GRID2: variants seen among roughly 807,000 people sequenced by gnomAD.
GRID2 encodes the protein glutamate ionotropic receptor delta type subunit 2.
A neutral mutation model predicts 114.8 loss-of-function variants in GRID2; 33 were observed. The ratio of observed to expected loss-of-function variants is 0.29; its 90% confidence interval spans 0.22 to 0.38. GRID2 has a LOEUF of 0.38. GRID2 is among the 10% of genes least tolerant of loss of function. The pLI, the probability that GRID2 is intolerant of heterozygous loss-of-function variation, is 1.00. For missense variants in GRID2, 1,184 were observed against 1,257.7 expected, an observed-to-expected ratio of 0.94 and a Z score of 0.89; for synonymous variants, 505 against 449.9, an observed-to-expected ratio of 1.12 and a Z score of -1.55.
At chr4:93,527,498 T>A (rs567975812) in intron 13 of GRID2, among the ~76,000 whole-genome samples, 5 of 152,236 alleles carry the variant, frequency 3.3e-5, no homozygotes, top group African/African-American at 1.2e-4. Flanking sequence ...TCTCCTATTA[T>A]ACCTAACATT....
chr4:93,497,569 A>G (rs568010999), intron 12 of GRID2, among the ~76,000 whole-genome samples: 2 of 151,762 alleles, frequency 1.3e-5, no homozygotes, highest in African/African-American at 2.4e-5. Flanking sequence ...ATTTTTCACT[A>G]TGGATATTCA....
chr4:92,311,829 A>T (rs1360053884), intron 1 of GRID2, among the ~76,000 whole-genome samples: 1 of 152,088 alleles, frequency 6.6e-6, no homozygotes, highest in Admixed American at 6.6e-5. Flanking sequence ...TGTATGAAGC[A>T]TTGCTTTTAG....
intron 13 of GRID2, among the ~76,000 whole-genome samples, chr4:93,607,512 G>A: frequency 6.6e-6 from 1 of 152,028 alleles, no homozygotes; most frequent in East Asian, 1.9e-4. Context: ...GAGTATTCTT[G>A]TATTTTAATC....
At position 92,838,761 on chromosome 4, in the gene GRID2, T is replaced by G. The variant is rs183630106; in HGVS notation, c.245-246234T>G. On this transcript the variant is annotated intron_variant, in intron 2 of 15. Coordinates refer to ENST00000282020, the MANE Select transcript of GRID2 (RefSeq NM_001510.4). ...GGTGGTAAACTAACATTCCTCCATA[T>G]TTTGTAATCTGGAAGAAATACCTGC... The G allele has an allele frequency of 1.3e-3, 198 of 152,218 alleles. 1 individual carries two copies. The highest frequency in any genetic ancestry group is 4.5e-3 in the African/African-American group (188 of 41,556). 9.4% of individuals were successfully genotyped at this position (152,218 alleles called of 1,614,324 possible). A position where few individuals can be genotyped will look rare whatever the true frequency, so the allele number is the denominator to read the frequency against.
At chr4:92,307,144 C>T (rs1725451026) in intron 1 of GRID2, among the ~76,000 whole-genome samples, 1 of 151,980 alleles carries the variant, frequency 6.6e-6, no homozygotes, top group Admixed American at 6.6e-5. Context: ...TTGTAAAGCA[C>T]CAGTTAACAT....
At chr4:93,282,507 A>G in intron 8 of GRID2, 1 of 272,686 alleles carries the variant, frequency 3.7e-6, no homozygotes, top group Middle Eastern at 4.4e-4. Context: ...GGTCAAACTC[A>G]TCCTTTTATC....
chr4:93,778,070 T>G (rs1734401192), downstream of GRID2, among the ~76,000 whole-genome samples: 1 of 152,330 alleles, frequency 6.6e-6, no homozygotes, highest in African/African-American at 2.4e-5. Context: ...AGATTCATAG[T>G]AGGAGACCTT....
chr4:92,954,189 A>G (rs75193170), intron 2 of GRID2, among the ~76,000 whole-genome samples: 2,942 of 151,176 alleles, frequency 0.019, 83 homozygotes, highest in East Asian at 0.15. Flanking sequence ...AAAGCATACT[A>G]TGTGTGTGTG....
At chr4:92,671,951 T>C (rs1329179405) in intron 2 of GRID2, among the ~76,000 whole-genome samples, 4 of 152,130 alleles carry the variant, frequency 2.6e-5, no homozygotes. Flanking sequence ...ACATACTGAT[T>C]GCTTGAAACT....
chr4:92,695,661 A>G (rs1335007388), intron 2 of GRID2, among the ~76,000 whole-genome samples: 3 of 152,138 alleles, frequency 2.0e-5, no homozygotes, highest in African/African-American at 7.2e-5. Context: ...GCCATTGTCT[A>G]TACTGTATCT....
intron 9 of GRID2, among the ~76,000 whole-genome samples, chr4:93,396,649 GT>G (rs1765360868): frequency 6.6e-6 from 1 of 151,982 alleles, no homozygotes; most frequent in Non-Finnish European, 1.5e-5. Flanking sequence ...GATAAGAAGA[GT>G]CTACTGTATA....
chr4:93,692,112 G>A (rs992012715), intron 14 of GRID2, among the ~76,000 whole-genome samples: 3 of 152,060 alleles, frequency 2.0e-5, no homozygotes, highest in African/African-American at 7.2e-5. Flanking sequence ...GGGCGGGGAA[G>A]CAGTGAAAAG....
intron 1 of GRID2, among the ~76,000 whole-genome samples, chr4:92,454,024 C>T (rs149129047): frequency 6.6e-6 from 1 of 152,048 alleles, no homozygotes; most frequent in African/African-American, 2.4e-5. Context: ...TAGATTTCTC[C>T]AAAAATGCCT....
intron 13 of GRID2, among the ~76,000 whole-genome samples, chr4:93,518,418 T>A (rs927805567): frequency 1.3e-5 from 2 of 152,026 alleles, no homozygotes; most frequent in African/African-American, 4.8e-5. Flanking sequence ...ATCTTTTGCA[T>A]AAGTAGAAAA....
At chr4:93,169,580 G>A (rs1241658550) in intron 4 of GRID2, among the ~76,000 whole-genome samples, 2 of 152,128 alleles carry the variant, frequency 1.3e-5, no homozygotes, top group Non-Finnish European at 2.9e-5. Context: ...ATTATAAAGG[G>A]CAAGCCTCTT....
intron 1 of GRID2, among the ~76,000 whole-genome samples, chr4:92,549,157 A>G (rs549654411): frequency 6.6e-5 from 10 of 151,900 alleles, no homozygotes; most frequent in African/African-American, 2.2e-4. Flanking sequence ...TTACCAAGTA[A>G]TCTCAAATAG....
chr4:93,575,836 A>G (rs1736371316), intron 13 of GRID2, among the ~76,000 whole-genome samples: 1 of 152,108 alleles, frequency 6.6e-6, no homozygotes, highest in Admixed American at 6.6e-5. Flanking sequence ...AATTTGGAGT[A>G]TTTATATATA....
At chr4:93,612,791 T>C (rs1378784729) in intron 13 of GRID2, among the ~76,000 whole-genome samples, 1 of 91,756 alleles carries the variant, frequency 1.1e-5, no homozygotes, top group African/African-American at 4.2e-5. Flanking sequence ...TTATGTGTCT[T>C]GGAGTTGCTC....
chr4:93,349,912 T>C (rs565647839), intron 8 of GRID2, among the ~76,000 whole-genome samples: 12 of 152,152 alleles, frequency 7.9e-5, no homozygotes, highest in African/African-American at 1.7e-4. Context: ...ATAATATGTG[T>C]GGGATGGGGG....
Sources: allele counts gnomAD v4.1 joint callset (sites outside exome capture counted in the v4.1 genomes callset), GRCh38; gene constraint gnomAD v4.1.1; transcripts MANE v1.5; gene names NCBI Gene and HGNC (gene_info 2026-07-23, HGNC 2026-07-21).